The following CTNNA3 variants were observed in gnomAD, a reference collection of about 807,000 sequenced individuals.
The protein encoded by CTNNA3 is catenin alpha-3.
In CTNNA3, 76 loss-of-function variants were observed where a neutral mutation model predicts 95.7. The ratio of observed to expected loss-of-function variants is 0.79; its 90% confidence interval spans 0.66 to 0.96. The LOEUF is 0.96. Among genes scored for constraint, CTNNA3 ranks in the 40% least tolerant of loss-of-function variants. CTNNA3 has a pLI of 0.00. For synonymous variants in CTNNA3, 431 were observed against 374.4 expected (o/e 1.15, Z -1.74); for missense variants, 1,191 against 1,089.8 (o/e 1.09, Z -1.31).
chr10:67,740,466 AAAAC>A lies in CTNNA3; in HGVS notation c.-2+22964_-2+22967del, dbSNP rs1841329598. On this transcript the variant is annotated intron_variant, in intron 1 of 17. Coordinates refer to the CTNNA3 transcript ENST00000684154. ...TGAACTCGAACAAATGTACAAGAAA[AAAAC>A]AAACAACCCCATCAAAAGGTGGGCA... Among the ~76,000 whole-genome samples the A allele has an allele frequency of 2.0e-5, 3 of 151,486 alleles. No homozygotes were observed. In the South Asian group the frequency reaches 6.3e-4, roughly 32 times the overall value.
intron 9 of CTNNA3, among the ~76,000 whole-genome samples, chr10:66,650,984 A>T (rs1462738137): frequency 6.6e-6 from 1 of 152,068 alleles, no homozygotes; most frequent in Non-Finnish European, 1.5e-5. Flanking sequence ...CCCCACCCAC[A>T]TCCTGTTGAT....
At chr10:67,432,552 C>T (rs894172515) in intron 5 of CTNNA3, among the ~76,000 whole-genome samples, 13 of 151,916 alleles carry the variant, frequency 8.6e-5, no homozygotes, top group African/African-American at 2.4e-4. Context: ...GCTATCACTC[C>T]GGTCTTTGCT....
intron 11 of CTNNA3, among the ~76,000 whole-genome samples, chr10:66,466,632 C>T (rs1404822540): frequency 1.3e-5 from 2 of 151,694 alleles, no homozygotes; most frequent in African/African-American, 4.8e-5. Flanking sequence ...CCTTCCCCAG[C>T]AAGAGCACAC....
chr10:67,160,030 AAAC>A, intron 7 of CTNNA3, among the ~76,000 whole-genome samples: 1 of 152,282 alleles, frequency 6.6e-6, no homozygotes, highest in African/African-American at 2.4e-5. Flanking sequence ...AATAGCAAGA[AAAC>A]AAATAACCCA....
chr10:66,407,109 G>A (rs1284105185), intron 11 of CTNNA3, among the ~76,000 whole-genome samples: 1 of 151,704 alleles, frequency 6.6e-6, no homozygotes, highest in Non-Finnish European at 1.5e-5. Flanking sequence ...ACAGATTTAT[G>A]TGATAGTGGA....
At position 66,978,958 on chromosome 10, in the gene CTNNA3, TC is replaced by T. The variant is rs1402618583; in HGVS notation, c.1047+201358del. On this transcript the variant is annotated intron_variant, in intron 7 of 17. Coordinates refer to ENST00000433211, the MANE Select transcript of CTNNA3 (RefSeq NM_013266.4). ...AATAGCCACTCCTCACATACTTATT[TC>T]CTTTTTTTTTTTTTTTTTTTTTTTT... Among the ~76,000 whole-genome samples, 579 of 143,372 alleles carry T rather than the reference TC, an allele frequency of 4.0e-3. 6 individuals are homozygous for T. The highest frequency in any genetic ancestry group is 0.014 in the African/African-American group (558 of 39,302). The allele number at this position is 143,372 out of a possible 152,430, so 94.1% of individuals were successfully genotyped here.
At chr10:66,311,608 C>T (rs1028853353) in intron 12 of CTNNA3, among the ~76,000 whole-genome samples, 1 of 152,160 alleles carries the variant, frequency 6.6e-6, no homozygotes, top group African/African-American at 2.4e-5. Context: ...AGCAGAACCC[C>T]ACCACGTGTG....
At chr10:66,452,516 G>A (rs1340382600) in intron 11 of CTNNA3, among the ~76,000 whole-genome samples, 1 of 152,064 alleles carries the variant, frequency 6.6e-6, no homozygotes, top group African/African-American at 2.4e-5. Flanking sequence ...TTAGTTTATG[G>A]CCTAACTTTG....
At chr10:66,908,015 T>C (rs1846065611) in intron 7 of CTNNA3, among the ~76,000 whole-genome samples, 1 of 152,184 alleles carries the variant, frequency 6.6e-6, no homozygotes, top group African/African-American at 2.4e-5. Context: ...TCACTACACA[T>C]AGCACATCTG....
chr10:66,724,617 C>A (rs1431126881), intron 9 of CTNNA3, among the ~76,000 whole-genome samples: 2 of 152,040 alleles, frequency 1.3e-5, no homozygotes, highest in African/African-American at 4.8e-5. Context: ...GATATCATCT[C>A]GAAATTTAAA....
intron 5 of CTNNA3, among the ~76,000 whole-genome samples, chr10:67,325,308 CT>C (rs1286415157): frequency 6.6e-6 from 1 of 152,028 alleles, no homozygotes; most frequent in East Asian, 1.9e-4. Context: ...TTCTCTAGTT[CT>C]TTTAGTTGTG....
At chr10:66,984,120 T>C (rs1470839220) in intron 7 of CTNNA3, among the ~76,000 whole-genome samples, 2 of 150,984 alleles carry the variant, frequency 1.3e-5, no homozygotes, top group African/African-American at 4.9e-5. Flanking sequence ...ACCTAACACA[T>C]GCCAGGTACT....
At chr10:66,423,100 G>A (rs543696187) in intron 11 of CTNNA3, among the ~76,000 whole-genome samples, 1 of 151,906 alleles carries the variant, frequency 6.6e-6, no homozygotes, top group African/African-American at 2.4e-5. Flanking sequence ...AAAATCTAGG[G>A]CTACTAGGCT....
chr10:66,968,630 T>G (rs1440343310), intron 7 of CTNNA3, among the ~76,000 whole-genome samples: 1 of 152,060 alleles, frequency 6.6e-6, no homozygotes, highest in Non-Finnish European at 1.5e-5. Flanking sequence ...TCAATACATA[T>G]TCATTAAAAG....
intron 15 of CTNNA3, among the ~76,000 whole-genome samples, chr10:66,002,241 T>C (rs752315366): frequency 4.6e-5 from 7 of 152,166 alleles, no homozygotes; most frequent in South Asian, 2.1e-4. Context: ...TATTCAAACA[T>C]GAAACTTTAA....
chr10:66,026,266 A>G (rs901930496), intron 15 of CTNNA3, among the ~76,000 whole-genome samples: 1 of 152,198 alleles, frequency 6.6e-6, no homozygotes, highest in East Asian at 1.9e-4. Flanking sequence ...AGTCATTATA[A>G]TAATTCCCAT....
intron 12 of CTNNA3, among the ~76,000 whole-genome samples, chr10:66,376,401 G>C (rs975169694): frequency 6.6e-6 from 1 of 152,120 alleles, no homozygotes; most frequent in African/African-American, 2.4e-5. Context: ...TAGCATTCCA[G>C]ATGTTGACTA....
At chr10:67,649,936 T>A (rs1839829172) in intron 1 of CTNNA3, among the ~76,000 whole-genome samples, 1 of 152,150 alleles carries the variant, frequency 6.6e-6, no homozygotes, top group Middle Eastern at 3.2e-3. Context: ...GCCTCCCAAG[T>A]TCAAGTGATT....
chr10:66,960,906 G>A (rs1431309248), intron 7 of CTNNA3, among the ~76,000 whole-genome samples: 2 of 152,132 alleles, frequency 1.3e-5, no homozygotes, highest in African/African-American at 2.4e-5. Flanking sequence ...CCTAAAATGG[G>A]AATGGTTCTT....
Sources: allele counts gnomAD v4.1 joint callset (sites outside exome capture counted in the v4.1 genomes callset), GRCh38; gene constraint gnomAD v4.1.1; transcripts MANE v1.5; gene names NCBI Gene and HGNC (gene_info 2026-07-23, HGNC 2026-07-21).